The following CNTN5 variants were observed in gnomAD, a reference collection of about 807,000 sequenced individuals.
CNTN5 encodes the protein contactin-5.
CNTN5 carries 77 observed loss-of-function variants against 129.1 expected under a neutral mutation model. The ratio of observed to expected loss-of-function variants is 0.60; its 90% CI spans 0.50 to 0.72. The LOEUF (loss-of-function observed/expected upper bound fraction) is 0.72, where lower values mean the gene tolerates loss of function less well. CNTN5 is among the 30% of genes least tolerant of loss of function. The probability of loss-of-function intolerance (pLI) is 0.00; values close to 1 mark genes in which losing one functional copy is unlikely to be tolerated. For synonymous variants in CNTN5, 509 were observed against 465.6 expected (o/e 1.09, Z -1.20); for missense variants, 1,478 against 1,328.8 (o/e 1.11, Z -1.75).
At chr11:99,463,517 T>TA (rs1002905479) in intron 2 of CNTN5, among the ~76,000 whole-genome samples, 1 of 151,856 alleles carries the variant, frequency 6.6e-6, no homozygotes, top group Non-Finnish European at 1.5e-5. Flanking sequence ...TCATTATACT[T>TA]AAAAAATGTC....
At chr11:99,648,546 A>G (rs964997271) in intron 3 of CNTN5, among the ~76,000 whole-genome samples, 14 of 151,904 alleles carry the variant, frequency 9.2e-5, no homozygotes, top group Non-Finnish European at 4.4e-5. Flanking sequence ...CTACCATATG[A>G]TTCATTAATC....
At chr11:100,124,719 A>G (rs1253532764) in intron 13 of CNTN5, among the ~76,000 whole-genome samples, 1 of 152,046 alleles carries the variant, frequency 6.6e-6, no homozygotes, top group Non-Finnish European at 1.5e-5. Context: ...AGAGTAACAA[A>G]TTTCTGAAAG....
At chr11:99,383,321 C>T (rs1940717276) in intron 2 of CNTN5, among the ~76,000 whole-genome samples, 1 of 152,054 alleles carries the variant, frequency 6.6e-6, no homozygotes, top group Admixed American at 6.6e-5. Context: ...ACAGACTGGT[C>T]CCATATGTCT....
intron 3 of CNTN5, among the ~76,000 whole-genome samples, chr11:99,654,969 G>T (rs1408037176): frequency 6.6e-6 from 1 of 152,026 alleles, no homozygotes; most frequent in Non-Finnish European, 1.5e-5. Context: ...ACTTATATGG[G>T]TTTAGAGTTT....
intron 3 of CNTN5, among the ~76,000 whole-genome samples, chr11:99,601,324 A>C (rs1950305998): frequency 6.6e-6 from 1 of 152,144 alleles, no homozygotes; most frequent in Admixed American, 6.5e-5. Flanking sequence ...TTAGTAAATC[A>C]TCAAACTTTG....
chr11:99,133,825 C>A (rs12274045), intron 1 of CNTN5, among the ~76,000 whole-genome samples: 1 of 151,960 alleles, frequency 6.6e-6, no homozygotes, highest in Non-Finnish European at 1.5e-5. Flanking sequence ...TAAAATAGTT[C>A]GACCATTGTG....
At chr11:100,241,181 G>A (rs190563714) in intron 16 of CNTN5, among the ~76,000 whole-genome samples, 91 of 152,250 alleles carry the variant, frequency 6.0e-4, no homozygotes, top group African/African-American at 2.1e-3. Flanking sequence ...GTTGCGTGAA[G>A]TTTTAAATAA....
intron 1 of CNTN5, among the ~76,000 whole-genome samples, chr11:99,130,505 C>T (rs781243112): frequency 9.9e-5 from 15 of 152,068 alleles, no homozygotes; most frequent in Non-Finnish European, 1.6e-4. Flanking sequence ...GACCCCCACA[C>T]GATAATAGTG....
At chr11:99,917,937 T>C (rs569781127) in intron 7 of CNTN5, among the ~76,000 whole-genome samples, 2 of 152,248 alleles carry the variant, frequency 1.3e-5, no homozygotes, top group African/African-American at 4.8e-5. Flanking sequence ...GTGTTTTACA[T>C]CCGAACTCAT....
chr11:99,500,340 A>T (rs1677039471), intron 2 of CNTN5, among the ~76,000 whole-genome samples: 1 of 152,178 alleles, frequency 6.6e-6, no homozygotes, highest in South Asian at 2.1e-4. Context: ...TGATACCTTT[A>T]AAAAAAGTTG....
chr11:99,542,540 G>A (rs890236846), intron 2 of CNTN5, among the ~76,000 whole-genome samples: 10 of 152,056 alleles, frequency 6.6e-5, no homozygotes, highest in African/African-American at 9.7e-5. Context: ...TGTCAAAACC[G>A]CATTTACTTT....
intron 2 of CNTN5, among the ~76,000 whole-genome samples, chr11:99,551,873 A>G (rs1948495297): frequency 6.6e-6 from 1 of 151,830 alleles, no homozygotes; most frequent in African/African-American, 2.4e-5. Flanking sequence ...ATAGCACATG[A>G]CTGTAGTATG....
At position 99,687,803 on chromosome 11, in the gene CNTN5, G is replaced by A. The variant is rs921795170; in HGVS notation, c.55+131534G>A. 5.3e-5 allele frequency among the ~76,000 whole-genome samples: 8 copies of A among 152,110 alleles called. 1 individual carries two copies. In the South Asian group the frequency reaches 1.0e-3, roughly 20 times the overall value. On this transcript the variant is annotated intron_variant, in intron 3 of 24. Coordinates refer to ENST00000524871, the MANE Select transcript of CNTN5 (RefSeq NM_014361.4). ...AGTCTTGGTAATATGTCTTGATGTA[G>A]CATATTGTATTTCAACAAAAGTGAA...
chr11:99,171,749 G>C (rs1259998105), intron 1 of CNTN5, among the ~76,000 whole-genome samples: 1 of 152,108 alleles, frequency 6.6e-6, no homozygotes, highest in Non-Finnish European at 1.5e-5. Flanking sequence ...ATTTTGCTCA[G>C]TGTTTCCATG....
intron 9 of CNTN5, among the ~76,000 whole-genome samples, chr11:100,014,204 G>A (rs1341826750): frequency 6.6e-6 from 1 of 152,026 alleles, no homozygotes; most frequent in Non-Finnish European, 1.5e-5. Context: ...TGATGATCTA[G>A]TGTGAATTAC....
chr11:99,145,303 C>T (rs900582468), intron 1 of CNTN5, among the ~76,000 whole-genome samples: 2 of 152,010 alleles, frequency 1.3e-5, no homozygotes, highest in Non-Finnish European at 2.9e-5. Context: ...CTCCTGGACT[C>T]AAATGATTCA....
intron 7 of CNTN5, among the ~76,000 whole-genome samples, chr11:99,954,067 G>A (rs1414904127): frequency 1.3e-5 from 2 of 152,020 alleles, no homozygotes; most frequent in Non-Finnish European, 2.9e-5. Flanking sequence ...TGGCTAGCCG[G>A]TTTTCCCAAC....
intron 4 of CNTN5, among the ~76,000 whole-genome samples, chr11:99,829,244 C>T (rs189639295): frequency 1.3e-5 from 2 of 152,130 alleles, no homozygotes; most frequent in Non-Finnish European, 2.9e-5. Context: ...TCATAATTTG[C>T]TATACATATG....
chr11:99,211,700 A>G (rs1323890947), intron 1 of CNTN5, among the ~76,000 whole-genome samples: 1 of 151,520 alleles, frequency 6.6e-6, no homozygotes, highest in Non-Finnish European at 1.5e-5. Context: ...GATTTGTTTC[A>G]TGTTTTTATG....
Sources: gnomAD v4.1 joint callset for allele counts (sites outside exome capture counted in the v4.1 genomes callset) on GRCh38, gnomAD v4.1.1 for gene constraint, MANE v1.5 for transcripts, NCBI Gene and HGNC (gene_info 2026-07-23, HGNC 2026-07-21) for gene names.